Variants in PLEKHG6 observed in about 807,000 individuals in gnomAD.
The protein encoded by PLEKHG6 is pleckstrin homology domain-containing family G member 6.
Under a neutral mutation model 97.5 loss-of-function variants are expected in PLEKHG6, and 91 were observed. That is an observed-to-expected ratio of 0.93 (90% confidence interval 0.79 to 1.11). PLEKHG6 has a LOEUF of 1.11. PLEKHG6 is among the 50% of genes most tolerant of loss of function. PLEKHG6 has a pLI of 0.00. For missense variants in PLEKHG6, 1,044 were observed against 1,031.0 expected, an observed-to-expected ratio of 1.01 and a Z score of -0.17; for synonymous variants, 466 against 425.5, an observed-to-expected ratio of 1.10 and a Z score of -1.17.
chr12:6,315,191 T>C lies in PLEKHG6; in HGVS notation c.459+22T>C, dbSNP rs1178261093. The C allele has an allele frequency of 1.9e-6, 3 of 1,602,314 alleles. No homozygotes were observed. The highest frequency in any genetic ancestry group is 2.7e-5 in the African/African-American group (2 of 74,108). ...CAAGGTGAGCCTGAAACTCACAAGG[T>C]GAGTCTGTCCCCACGGCGTGAATGC... On this transcript the variant is annotated intron_variant, in intron 4 of 15. Transcript: ENST00000684764. This position sits in a 1 kb window ranked among gnomAD's most constrained non-coding sequence, Gnocchi z 4.5.
At chr12:6,323,286 G>T in intron 13 of PLEKHG6, among the ~76,000 whole-genome samples, 1 of 152,190 alleles carries the variant, frequency 6.6e-6, no homozygotes, top group East Asian at 1.9e-4. Context: ...GCAAAACAAA[G>T]AAAACTGAAA....
rs868219542 is a variant in PLEKHG6, at chr12:6,317,772, A to G, written c.1017+76A>G. 1.9e-5 allele frequency: 30 copies of G among 1,573,090 alleles called. No homozygotes were observed. The Middle Eastern group carries it at 5.2e-4, about 27-fold the overall frequency. On this transcript the variant is annotated intron_variant, in intron 9 of 15. Transcript: ENST00000684764. ...GGGTCTCTTTCTTAGTGTGTCTGTGACAGTGTGGCGCTGTGCTGTGGCTGG... is the reference window on the plus strand; with the variant it reads ...GGGTCTCTTTCTTAGTGTGTCTGTGGCAGTGTGGCGCTGTGCTGTGGCTGG...
Position 6,315,271 on chromosome 12 carries a change from G to GA in PLEKHG6, c.459+108dup. 1 of 1,189,568 alleles carries GA rather than the reference G, an allele frequency of 8.4e-7. No individual in the cohort carries two copies. The highest frequency in any genetic ancestry group is 1.2e-6 in the Non-Finnish European group (1 of 860,616). The allele number at this position is 1,189,568 out of a possible 1,614,324, so 73.7% of individuals were successfully genotyped here. On this transcript the variant is annotated intron_variant, in intron 4 of 15. Transcript: ENST00000684764. This position sits in a 1 kb window ranked among gnomAD's most constrained non-coding sequence, Gnocchi z 4.5. The stretch of plus-strand genomic sequence containing the variant: ...AGGCCTTGGGAAGTGGGGTCATGTG[G>GA]AAAAAACATCTGGAAACGCGTTGAT...
intron 13 of PLEKHG6, chr12:6,319,494 A>T (rs1478283854): frequency 1.4e-6 from 2 of 1,457,090 alleles, no homozygotes; most frequent in Non-Finnish European, 1.8e-6. Context: ...GAACGAATGA[A>T]CATGGGAGCG....
chr12:6,318,159 G>A, intron 10 of PLEKHG6, 142 bp from the exon 11 acceptor site: 6 of 1,406,814 alleles, frequency 4.3e-6, no homozygotes, highest in Non-Finnish European at 5.8e-6. Flanking sequence ...AGAGCAAAAA[G>A]GAGGCCCTGG....
Position 6,318,323 on chromosome 12 carries a change from T to G in PLEKHG6, c.1178T>G (p.Leu393Arg), listed in dbSNP as rs376319106. The change falls in exon 11 of 16, where the codon CTG (leucine) becomes CGG (arginine). Residue 393 changes from leucine to arginine, a missense_variant. Coordinates refer to ENST00000684764, the MANE Select transcript of PLEKHG6 (RefSeq NM_001384598.1). ...CAGAACCTGCGCCCATTCTCCACCC[T>G]GGACCTGACGTCCCCCATGCTGGGG... ...VEKNLRPFST[L>R]DLTSPMLGVA... The G allele has an allele frequency of 6.2e-7, 1 of 1,613,978 alleles. No homozygotes were observed. Among genetic ancestry groups the G allele is most frequent in the African/African-American group, 1.3e-5 (1 of 74,920 alleles).
Position 6,312,266 on chromosome 12 carries a change from G to A in PLEKHG6, c.40G>A (p.Gly14Arg). ...FGPPHEGPLQ[G>R]LVASRIETYG... is the part of the protein sequence containing the mutation. ...TCCTCCACATGAGGGCCCCCTCCAA[G>A]GACTCGTGGCCTCCCGCATTGAGAC... The change falls in exon 2 of 16, where the codon GGA becomes AGA. Residue 14 changes from glycine (G) to arginine (R), a missense_variant. Coordinates refer to ENST00000684764, the MANE Select transcript of PLEKHG6 (RefSeq NM_001384598.1). 1 of 1,543,622 alleles carries A rather than the reference G, an allele frequency of 6.5e-7. No homozygotes were observed. Among genetic ancestry groups the A allele is most frequent in the Non-Finnish European group, 8.7e-7 (1 of 1,152,146 alleles).
chr12:6,310,694 A>C lies in PLEKHG6; in HGVS notation c.-223A>C, dbSNP rs1212018137. 6.6e-6 allele frequency: 1 copy of C among 151,832 alleles called. No homozygotes were observed. The highest frequency in any genetic ancestry group is 2.4e-5 in the African/African-American group (1 of 41,328). 9.4% of individuals were successfully genotyped at this position (151,832 alleles called of 1,614,324 possible). A position where few individuals can be genotyped will look rare whatever the true frequency, so the allele number is the denominator to read the frequency against. Reference sequence around the variant, plus strand: ...CCCGGTCCCCGCCCTCCTCGCCCGGACCCGCGCTGCCCGGCTCCCGCGGGC... The same window carrying C: ...CCCGGTCCCCGCCCTCCTCGCCCGGCCCCGCGCTGCCCGGCTCCCGCGGGC... On this transcript the variant is annotated 5_prime_UTR_variant, in exon 1 of 16. Transcript: ENST00000684764.
chr12:6,312,904 G>T, intron 2 of PLEKHG6: 11 of 1,376,358 alleles, frequency 8.0e-6, no homozygotes, highest in Non-Finnish European at 1.0e-5. Context: ...CAGCCTGCAG[G>T]TTTCCCCTCC....
Position 6,327,269 on chromosome 12 carries a change from G to C in PLEKHG6, c.1686G>C (p.Ser562=), listed in dbSNP as rs1053049855. 2 of 1,598,136 alleles carry C rather than the reference G, an allele frequency of 1.3e-6. No homozygotes were observed. The highest frequency in any genetic ancestry group is 3.4e-5 in the Admixed American group (2 of 58,506). ...TTAACTGTAGGACTCCTGAGTTCTC[G>C]ACCATTATCCCCCACCTGGTGGTGA... is the stretch of plus-strand genomic sequence containing the variant. ...SSAEGRTPEF[S]TIIPHLVVTE... The change falls in exon 15 of 16, where the codon TCG becomes TCC. Residue 562 remains serine (S), a synonymous_variant. Transcript: ENST00000684764.
Position 6,328,061 on chromosome 12 carries a change from T to C in PLEKHG6, c.2364-75T>C, listed in dbSNP as rs186665139. The stretch of plus-strand genomic sequence containing the variant: ...GAACAGGGGCTGAGGCAGGAAGGGC[T>C]CTCCGCCTCACTCTTCACCTGACCC... On this transcript the variant is annotated intron_variant, in intron 15 of 15. Coordinates refer to ENST00000684764, the MANE Select transcript of PLEKHG6 (RefSeq NM_001384598.1). The C allele has an allele frequency of 4.4e-5, 71 of 1,599,358 alleles. 1 individual carries two copies. Among genetic ancestry groups the C allele is most frequent in the East Asian group, 3.3e-4 (15 of 44,788 alleles).
Position 6,318,768 on chromosome 12 carries a change from C to T in PLEKHG6, c.1299C>T (p.Phe433=). 1.2e-6 allele frequency: 2 copies of T among 1,614,092 alleles called. No homozygotes were observed. Among genetic ancestry groups the T allele is most frequent in the Non-Finnish European group, 1.7e-6 (2 of 1,179,990 alleles). The change falls in exon 12 of 16, where the codon TTC becomes TTT. Residue 433 remains phenylalanine, a synonymous_variant. Coordinates refer to ENST00000684764, the MANE Select transcript of PLEKHG6 (RefSeq NM_001384598.1). ...AGCTGGACGTGTACCTGTTCCTCTT[C>T]TCTGATGTGCTCCTTGTGACCAAGC... ...EGKLDVYLFL[F]SDVLLVTKPQ...
chr12:6,326,509 G>A lies in PLEKHG6; in HGVS notation c.1606G>A (p.Glu536Lys). 1.2e-6 allele frequency: 2 copies of A among 1,602,676 alleles called. No homozygotes were observed. Among genetic ancestry groups the A allele is most frequent in the Non-Finnish European group, 1.7e-6 (2 of 1,175,720 alleles). ...LLTLYRDQDR[E>K]SPSTRPSTPS... ...GACCCTCTATCGGGACCAGGACAGGGAGTCCCCCAGCACCAGGCCCTCCAC... is the reference window on the plus strand; with the variant it reads ...GACCCTCTATCGGGACCAGGACAGGAAGTCCCCCAGCACCAGGCCCTCCAC... The change falls in exon 14 of 16, where the codon GAG becomes AAG. Residue 536 changes from glutamate to lysine, a missense_variant. Coordinates refer to ENST00000684764, the MANE Select transcript of PLEKHG6 (RefSeq NM_001384598.1).
Position 6,319,115 on chromosome 12 carries a change from G to A in PLEKHG6, c.1524+7G>A, listed in dbSNP as rs1291531060. 2 of 1,591,298 alleles carry A rather than the reference G, an allele frequency of 1.3e-6. No homozygotes were observed. Among genetic ancestry groups the A allele is most frequent in the Non-Finnish European group, 1.7e-6 (2 of 1,162,420 alleles). ...GAAGACCCAGCAGGCCCAGGTATGG[G>A]AAAGCCAGCAACGGGGAGGCATGGG... On this transcript the variant is annotated splice_region_variant and intron_variant, in intron 13 of 15. Coordinates refer to ENST00000684764, the MANE Select transcript of PLEKHG6 (RefSeq NM_001384598.1).
intron 13 of PLEKHG6, among the ~76,000 whole-genome samples, chr12:6,325,571 G>A (rs1204815782): frequency 2.6e-5 from 4 of 152,182 alleles, no homozygotes; most frequent in Non-Finnish European, 5.9e-5. Flanking sequence ...CCCTCTGAAG[G>A]ACAGCAGAGT....
chr12:6,315,818 G>T lies in PLEKHG6; in HGVS notation c.556-51G>T, dbSNP rs939986813. 1 of 1,498,208 alleles carries T rather than the reference G, an allele frequency of 6.7e-7. No individual in the cohort carries two copies. Among genetic ancestry groups the T allele is most frequent in the Admixed American group, 2.0e-5 (1 of 49,506 alleles). 92.8% of individuals were successfully genotyped at this position (1,498,208 alleles called of 1,614,324 possible). On this transcript the variant is annotated intron_variant, in intron 5 of 15. Transcript: ENST00000684764. The surrounding 1 kb of genome is among the most constrained non-coding windows in gnomAD (Gnocchi z 4.5). ...AAGTTGGTGGGGGGTGGGAGGTGAC[G>T]ACACTGAAGGGCTGCGCTGGGTCCT...
Position 6,316,066 on chromosome 12 carries a change from C to T in PLEKHG6, c.606+147C>T, listed in dbSNP as rs529721098. On this transcript the variant is annotated intron_variant, in intron 6 of 15. Coordinates refer to ENST00000684764, the MANE Select transcript of PLEKHG6 (RefSeq NM_001384598.1). The surrounding 1 kb of genome is among the most constrained non-coding windows in gnomAD (Gnocchi z 4.1). ...CTCCCTACTTCCCTGTTACTGGGGA[C>T]TCCAAGCAGGCCACAGGCCCCCCAT... The T allele has an allele frequency of 7.6e-6, 7 of 923,470 alleles. No individual in the cohort carries two copies. Among genetic ancestry groups the T allele is most frequent in the Admixed American group, 2.7e-5 (1 of 36,664 alleles). 57.2% of individuals were successfully genotyped at this position (923,470 alleles called of 1,614,324 possible). A position where few individuals can be genotyped will look rare whatever the true frequency, so the allele number is the denominator to read the frequency against.
intron 11 of PLEKHG6, 29 bp downstream of exon 11, chr12:6,318,449 G>A: frequency 1.3e-6 from 2 of 1,578,122 alleles, no homozygotes; most frequent in Non-Finnish European, 8.6e-7. Context: ...GAGTGGAGGG[G>A]ATGGGGCACG....
chr12:6,327,152 A>G (rs986581815), intron 14 of PLEKHG6, 102 bp from the exon 15 acceptor site: 11 of 715,628 alleles, frequency 1.5e-5, no homozygotes, highest in East Asian at 1.3e-4. Flanking sequence ...TGATACCAAA[A>G]TAAGTTTGGA....
Sources: gnomAD v4.1 joint callset for allele counts (sites outside exome capture counted in the v4.1 genomes callset) on GRCh38, gnomAD v4.1.1 for gene constraint, Gnocchi (gnomAD v3.1) non-coding constraint, MANE v1.5 for transcripts, NCBI Gene and HGNC (gene_info 2026-07-23, HGNC 2026-07-21) for gene names.